The following CNTN1 variants were observed in gnomAD, a reference collection of about 807,000 sequenced individuals.
The protein encoded by CNTN1 is contactin 1.
A neutral mutation model predicts 126.4 loss-of-function variants in CNTN1; 38 were observed. The observed-to-expected ratio is 0.30, with a 90% CI of 0.23 to 0.39. CNTN1 has a LOEUF of 0.39. Among genes scored for constraint, CNTN1 ranks in the 10% least tolerant of loss-of-function variants. The pLI, the probability that CNTN1 is intolerant of heterozygous loss-of-function variation, is 1.00. For missense variants in CNTN1, 1,009 were observed against 1,248.4 expected, an observed-to-expected ratio of 0.81 and a Z score of 2.89; for synonymous variants, 413 against 422.6, an observed-to-expected ratio of 0.98 and a Z score of 0.28.
intron 1 of CNTN1, among the ~76,000 whole-genome samples, chr12:40,834,124 C>G (rs1458812941): frequency 1.3e-5 from 2 of 152,134 alleles, no homozygotes; most frequent in Non-Finnish European, 2.9e-5. Flanking sequence ...AGAAGACTAA[C>G]AAGAATCATA....
chr12:41,006,496 C>T (rs1206169231), intron 17 of CNTN1, among the ~76,000 whole-genome samples: 2 of 152,218 alleles, frequency 1.3e-5, no homozygotes, highest in African/African-American at 4.8e-5. Context: ...GATGTCTTCT[C>T]TGTGTCCCCT....
At chr12:40,713,178 T>C (rs1312863639) in intron 1 of CNTN1, among the ~76,000 whole-genome samples, 12 of 151,832 alleles carry the variant, frequency 7.9e-5, no homozygotes, top group Non-Finnish European at 1.3e-4. Context: ...TTAAAAAGTT[T>C]TTAAATGAAC....
chr12:40,957,808 G>A (rs1477132801), intron 14 of CNTN1, among the ~76,000 whole-genome samples: 2 of 151,810 alleles, frequency 1.3e-5, no homozygotes, highest in Non-Finnish European at 2.9e-5. Context: ...TTCTTTATAT[G>A]GAGATATTAA....
chr12:40,924,151 T>A (rs1945547082), intron 5 of CNTN1, among the ~76,000 whole-genome samples: 1 of 152,070 alleles, frequency 6.6e-6, no homozygotes. Flanking sequence ...GGAAGAGAAA[T>A]ACCCTTCAAA....
intron 1 of CNTN1, among the ~76,000 whole-genome samples, chr12:40,706,481 C>G (rs908699616): frequency 1.3e-5 from 2 of 152,066 alleles, no homozygotes; most frequent in African/African-American, 4.8e-5. Context: ...ATTATCCATA[C>G]TTATGTCCAT....
At chr12:40,930,426 G>C (rs1012422458) in intron 7 of CNTN1, among the ~76,000 whole-genome samples, 2 of 151,870 alleles carry the variant, frequency 1.3e-5, no homozygotes, top group Admixed American at 1.3e-4. Context: ...GATTATTTTG[G>C]TATTTTTAAG....
At chr12:40,737,359 G>GTGTATATATATATA (rs1304140380) in intron 1 of CNTN1, among the ~76,000 whole-genome samples, 36 of 113,264 alleles carry the variant, frequency 3.2e-4, no homozygotes, top group African/African-American at 1.2e-3. Context: ...ATGTGTGTGT[G>GTGTATATATATATA]TATATATATA....
intron 15 of CNTN1, chr12:40,971,539 A>C: frequency 1.3e-6 from 2 of 1,588,854 alleles, no homozygotes; most frequent in Admixed American, 1.7e-5. Flanking sequence ...ATTTCTGTGA[A>C]AGACTTTTTT....
At chr12:40,978,115 A>G (rs1283958560) in intron 15 of CNTN1, among the ~76,000 whole-genome samples, 1 of 151,978 alleles carries the variant, frequency 6.6e-6, no homozygotes, top group Admixed American at 6.6e-5. Flanking sequence ...AAACAATCCT[A>G]TATGTTCGGT....
At chr12:41,010,492 C>T (rs1948618984) in intron 17 of CNTN1, among the ~76,000 whole-genome samples, 1 of 152,176 alleles carries the variant, frequency 6.6e-6, no homozygotes, top group African/African-American at 2.4e-5. Context: ...TCTCTTTCTC[C>T]TGGATCTCCT....
chr12:40,802,685 G>A (rs1446666287), intron 1 of CNTN1, among the ~76,000 whole-genome samples: 1 of 151,988 alleles, frequency 6.6e-6, no homozygotes, highest in East Asian at 1.9e-4. Context: ...CTTGTTTGAT[G>A]AGAAGGATGA....
chr12:40,763,840 C>G (rs931152906), intron 1 of CNTN1, among the ~76,000 whole-genome samples: 2 of 152,202 alleles, frequency 1.3e-5, no homozygotes, highest in Non-Finnish European at 2.9e-5. Context: ...ATTTCCCACT[C>G]AATGGTCTGA....
At chr12:40,998,448 A>G (rs995897137) in intron 17 of CNTN1, among the ~76,000 whole-genome samples, 2 of 152,108 alleles carry the variant, frequency 1.3e-5, no homozygotes, top group Non-Finnish European at 2.9e-5. Flanking sequence ...ATAACAATAA[A>G]CAAACCTACA....
At chr12:41,058,633 AAT>A (rs1949876332) in intron 23 of CNTN1, among the ~76,000 whole-genome samples, 1 of 152,140 alleles carries the variant, frequency 6.6e-6, no homozygotes, top group East Asian at 1.9e-4. Context: ...AAGAACTTAA[AAT>A]TTCAAGGTTT....
At chr12:40,912,629 A>T (rs1390896135) in intron 3 of CNTN1, among the ~76,000 whole-genome samples, 1 of 152,104 alleles carries the variant, frequency 6.6e-6, no homozygotes, top group East Asian at 1.9e-4. Context: ...TCCAAAGCTA[A>T]TATTTAAAAA....
intron 1 of CNTN1, among the ~76,000 whole-genome samples, chr12:40,880,384 A>T (rs1943830607): frequency 6.6e-6 from 1 of 152,018 alleles, no homozygotes; most frequent in South Asian, 2.1e-4. Flanking sequence ...AGTGGATGTA[A>T]ATACGTTTGC....
chr12:40,705,186 G>A lies in CNTN1; in HGVS notation c.-77+12594G>A, dbSNP rs142197700. ...GCATCCAAAAACAGTGGTATTTCTC[G>A]AAGCTAATGATTGCCTATTATTTGT... On this transcript the variant is annotated intron_variant, in intron 1 of 23. Coordinates refer to ENST00000551295, the MANE Select transcript of CNTN1 (RefSeq NM_001843.4). Among the ~76,000 whole-genome samples the A allele has an allele frequency of 1.3e-3, 194 of 152,226 alleles. 1 individual carries two copies. The East Asian group carries it at 0.029, about 23-fold the overall frequency.
rs367649852 is a variant in CNTN1 at position 40,956,415 on chromosome 12, G to A, written c.1684-2699G>A. Among the ~76,000 whole-genome samples, 24 of 152,130 alleles carry A rather than the reference G, an allele frequency of 1.6e-4. No individual in the cohort carries two copies. The East Asian group carries it at 3.5e-3, about 22-fold the overall frequency. On this transcript the variant is annotated intron_variant, in intron 14 of 23. Coordinates refer to ENST00000551295, the MANE Select transcript of CNTN1 (RefSeq NM_001843.4). ...GTAATATGACAGAAGTTTCATGGTA[G>A]CATAATAAAATATAGAAAGGGTACC... is the stretch of plus-strand genomic sequence containing the variant.
intron 1 of CNTN1, among the ~76,000 whole-genome samples, chr12:40,821,965 C>CA (rs199604316): frequency 0.013 from 1,859 of 145,316 alleles, 37 homozygotes; most frequent in African/African-American, 0.049. Flanking sequence ...TATTCAAAAA[C>CA]AAAATCAAAA....
Sources: gnomAD v4.1 joint callset for allele counts (sites outside exome capture counted in the v4.1 genomes callset) on GRCh38, gnomAD v4.1.1 for gene constraint, MANE v1.5 for transcripts, NCBI Gene and HGNC (gene_info 2026-07-23, HGNC 2026-07-21) for gene names.